DCPS: variants seen among roughly 807,000 people sequenced by gnomAD.
The protein encoded by DCPS is decapping enzyme, scavenger.
A neutral mutation model predicts 34.7 loss-of-function variants in DCPS; 27 were observed. That is an observed-to-expected ratio of 0.78 (90% CI 0.57 to 1.07). DCPS has a LOEUF of 1.07. Among genes scored for constraint, DCPS ranks in the 50% least tolerant of loss-of-function variants. The pLI is 0.00. For synonymous variants in DCPS, 185 were observed against 185.7 expected (o/e 1.00, Z 0.03); for missense variants, 464 against 436.9 (o/e 1.06, Z -0.55).
At position 126,342,653 on chromosome 11, in the gene DCPS, G is replaced by C. The variant is rs2135337059; in HGVS notation, c.637-654G>C. On this transcript the variant is annotated intron_variant, in intron 4 of 5. Coordinates refer to ENST00000263579, the MANE Select transcript of DCPS (RefSeq NM_014026.6). The surrounding 1 kb of genome is among the most constrained non-coding windows in gnomAD (Gnocchi z 4.4). ...GAGTCTTTCCTTCCTCCTGCACTGGGATTATTTTGTGTCTTACAGTAGAGC... is the reference window on the plus strand; with the variant it reads ...GAGTCTTTCCTTCCTCCTGCACTGGCATTATTTTGTGTCTTACAGTAGAGC... Among the ~76,000 whole-genome samples, 1 of 152,092 alleles carries C rather than the reference G, an allele frequency of 6.6e-6. No individual in the cohort carries two copies. Among genetic ancestry groups the C allele is most frequent in the Middle Eastern group, 3.4e-3 (1 of 292 alleles).
intron 1 of DCPS, among the ~76,000 whole-genome samples, chr11:126,305,911 A>G (rs190945669): frequency 3.5e-4 from 53 of 152,294 alleles, no homozygotes; most frequent in African/African-American, 1.2e-3. Flanking sequence ...TTCTGTTTCA[A>G]TGCTGACTGT....
chr11:126,319,483 G>A lies in DCPS; in HGVS notation c.377-11922G>A, dbSNP rs1007025551. Reference sequence around the variant, plus strand: ...TCCCCTGGTAAGGCTGTCCTCACACGGCTCTCCAGAGCTCAGGGGAGTGGA... The same window carrying A: ...TCCCCTGGTAAGGCTGTCCTCACACAGCTCTCCAGAGCTCAGGGGAGTGGA... On this transcript the variant is annotated intron_variant, in intron 2 of 5. Coordinates refer to ENST00000263579, the MANE Select transcript of DCPS (RefSeq NM_014026.6). This position sits in a 1 kb window ranked among gnomAD's most constrained non-coding sequence, Gnocchi z 4.5. Among the ~76,000 whole-genome samples, 2 of 151,988 alleles carry A rather than the reference G, an allele frequency of 1.3e-5. No individual in the cohort carries two copies. Among genetic ancestry groups the A allele is most frequent in the South Asian group, 2.1e-4 (1 of 4,814 alleles).
chr11:126,331,278 A>C lies in DCPS; in HGVS notation c.377-127A>C. 1 of 1,403,864 alleles carries C rather than the reference A, an allele frequency of 7.1e-7. No individual in the cohort carries two copies. Among genetic ancestry groups the C allele is most frequent in the South Asian group, 1.3e-5 (1 of 76,484 alleles). 87.0% of individuals were successfully genotyped at this position (1,403,864 alleles called of 1,614,324 possible). On this transcript the variant is annotated intron_variant, in intron 2 of 5. Coordinates refer to ENST00000263579, the MANE Select transcript of DCPS (RefSeq NM_014026.6). The surrounding 1 kb of genome is among the most constrained non-coding windows in gnomAD (Gnocchi z 7.2). Reference sequence around the variant, plus strand: ...TGTGGGAGTGGATCTTGGGTGCATGATCCTCTTGGATTTTGGCTTCCCTCA... The same window carrying C: ...TGTGGGAGTGGATCTTGGGTGCATGCTCCTCTTGGATTTTGGCTTCCCTCA...
Position 126,338,023 on chromosome 11 carries a change from G to A in DCPS, c.523-263G>A. ...GCACTATGCTGACCAGGAAGAGCCT[G>A]GCCCCTTCCAAGCTGCAGAGACCCT... On this transcript the variant is annotated intron_variant, in intron 3 of 5. Transcript: ENST00000263579. This position sits in a 1 kb window ranked among gnomAD's most constrained non-coding sequence, Gnocchi z 5.4. 2 of 496,024 alleles carry A rather than the reference G, an allele frequency of 4.0e-6. No homozygotes were observed. The highest frequency in any genetic ancestry group is 6.6e-5 in the Admixed American group (2 of 30,364). 30.7% of individuals were successfully genotyped at this position (496,024 alleles called of 1,614,324 possible).
intron 4 of DCPS, among the ~76,000 whole-genome samples, chr11:126,339,563 A>G (rs1951861284): frequency 6.6e-6 from 1 of 152,180 alleles, no homozygotes; most frequent in African/African-American, 2.4e-5. Context: ...AAGGGGTGGG[A>G]AAGAATTTGA....
rs1951689613 is a variant in DCPS, at chr11:126,319,710, G to T, written c.377-11695G>T. On this transcript the variant is annotated intron_variant, in intron 2 of 5. Transcript: ENST00000263579. This position sits in a 1 kb window ranked among gnomAD's most constrained non-coding sequence, Gnocchi z 4.5. ...AGTCATGTTTCTCCTATCTGATAGG[G>T]CTGCTTTTGGAAAACATGGCCCCAG... is the stretch of plus-strand genomic sequence containing the variant. Among the ~76,000 whole-genome samples, 1 of 152,146 alleles carries T rather than the reference G, an allele frequency of 6.6e-6. No individual in the cohort carries two copies. Among genetic ancestry groups the T allele is most frequent in the African/African-American group, 2.4e-5 (1 of 41,434 alleles).
Position 126,345,806 on chromosome 11 carries a change from G to A in DCPS, c.*193G>A. The A allele has an allele frequency of 1.2e-6, 1 of 808,352 alleles. No homozygotes were observed. Among genetic ancestry groups the A allele is most frequent in the East Asian group, 2.7e-5 (1 of 36,612 alleles). 50.1% of individuals were successfully genotyped at this position (808,352 alleles called of 1,614,324 possible). On this transcript the variant is annotated 3_prime_UTR_variant, in exon 6 of 6. Transcript: ENST00000263579. This position sits in a 1 kb window ranked among gnomAD's most constrained non-coding sequence, Gnocchi z 7.4. ...ACAGATGGTGGGGGACAGTGGGTGG[G>A]TAGAACCTGTGGGAAGGCCTTGAGA... is the stretch of plus-strand genomic sequence containing the variant.
rs553005210 is a variant in DCPS at position 126,348,039 on chromosome 11, C to T, written c.*2426C>T. Among the ~76,000 whole-genome samples, 25 of 152,220 alleles carry T rather than the reference C, an allele frequency of 1.6e-4. No homozygotes were observed. The highest frequency in any genetic ancestry group is 5.8e-4 in the East Asian group (3 of 5,170). On this transcript the variant is annotated 3_prime_UTR_variant, in exon 6 of 6. Coordinates refer to ENST00000263579, the MANE Select transcript of DCPS (RefSeq NM_014026.6). This position sits in a 1 kb window ranked among gnomAD's most constrained non-coding sequence, Gnocchi z 5.3. ...ACCTTGCCGTTCCTTCCCCTCATCT[C>T]GTAGCGCCTGGCCCCTGGAGGAAGG... is the stretch of plus-strand genomic sequence containing the variant.
Position 126,304,188 on chromosome 11 carries a change from C to G in DCPS, c.108C>G (p.Thr36=). The G allele has an allele frequency of 1.9e-6, 3 of 1,614,272 alleles. No individual in the cohort carries two copies. ...AGGAGGCAGGAGTTGGAAATGGTAC[C>G]TGTGCTCCTGTCCGCTTACCGTTCT... ...EEKEAGVGNG[T]CAPVRLPFSG... The change falls in exon 1 of 6, where the codon ACC becomes ACG. Residue 36 remains threonine (T), a synonymous_variant. Transcript: ENST00000263579.
In DCPS at chr11:126,333,935, G is replaced by C. The variant is rs146460855; in HGVS notation, c.522+2385G>C. Among the ~76,000 whole-genome samples, 1 of 152,034 alleles carries C rather than the reference G, an allele frequency of 6.6e-6. No individual in the cohort carries two copies. The highest frequency in any genetic ancestry group is 1.9e-4 in the East Asian group (1 of 5,180). ...TCAGATGTGAGAACAGTTGCCATAG[G>C]CAGTGAGGGTGCCCTAAACGGTTTT... On this transcript the variant is annotated intron_variant, in intron 3 of 5. Coordinates refer to ENST00000263579, the MANE Select transcript of DCPS (RefSeq NM_014026.6). The surrounding 1 kb of genome is among the most constrained non-coding windows in gnomAD (Gnocchi z 5.7).
rs1951819445 is a variant in DCPS at position 126,334,982 on chromosome 11, C to T, written c.523-3304C>T. Among the ~76,000 whole-genome samples, 1 of 152,226 alleles carries T rather than the reference C, an allele frequency of 6.6e-6. No individual in the cohort carries two copies. Among genetic ancestry groups the T allele is most frequent in the African/African-American group, 2.4e-5 (1 of 41,460 alleles). ...AAATGTAACTAATGGCTCCTCCCTC[C>T]TGGGTGTTGTGGAAATTGAGAGAGG... is the stretch of plus-strand genomic sequence containing the variant. On this transcript the variant is annotated intron_variant, in intron 3 of 5. Transcript: ENST00000263579. This position sits in a 1 kb window ranked among gnomAD's most constrained non-coding sequence, Gnocchi z 5.5.
intron 2 of DCPS, among the ~76,000 whole-genome samples, chr11:126,314,104 C>A (rs1951638928): frequency 6.6e-6 from 1 of 152,302 alleles, no homozygotes; most frequent in South Asian, 2.1e-4. Context: ...GATGGCTGGG[C>A]CAGCCGCTTT....
Position 126,336,241 on chromosome 11 carries a change from G to A in DCPS, c.523-2045G>A, listed in dbSNP as rs879628516. On this transcript the variant is annotated intron_variant, in intron 3 of 5. Transcript: ENST00000263579. The surrounding 1 kb of genome is among the most constrained non-coding windows in gnomAD (Gnocchi z 6.3). ...TCATCACTCCTTCCTGCAGTCACTC[G>A]TCCTCCAGCCCCGCTCTTATTTCCT... Among the ~76,000 whole-genome samples the A allele has an allele frequency of 6.6e-6, 1 of 151,796 alleles. No homozygotes were observed. Among genetic ancestry groups the A allele is most frequent in the Non-Finnish European group, 1.5e-5 (1 of 68,008 alleles).
intron 2 of DCPS, among the ~76,000 whole-genome samples, chr11:126,316,957 C>CTTTTTT (rs71048779): frequency 1.1e-5 from 1 of 93,198 alleles, no homozygotes; most frequent in Non-Finnish European, 2.1e-5. Context: ...TGCCCGGCCT[C>CTTTTTT]TTTTTTTTTT....
rs551510705 is a variant in DCPS at position 126,328,123 on chromosome 11, G to C, written c.377-3282G>C. On this transcript the variant is annotated intron_variant, in intron 2 of 5. Coordinates refer to ENST00000263579, the MANE Select transcript of DCPS (RefSeq NM_014026.6). The surrounding 1 kb of genome is among the most constrained non-coding windows in gnomAD (Gnocchi z 6.6). ...GCCTGGAGAGGAGCCCATGGCTGAC[G>C]CGAGTTAGTGGGTCAGTGGGGAGCC... Among the ~76,000 whole-genome samples the C allele has an allele frequency of 2.0e-5, 3 of 152,334 alleles. No homozygotes were observed. The East Asian group carries it at 5.8e-4, about 29-fold the overall frequency.
Position 126,342,403 on chromosome 11 carries a change from C to T in DCPS, c.637-904C>T, listed in dbSNP as rs1486553741. On this transcript the variant is annotated intron_variant, in intron 4 of 5. Coordinates refer to ENST00000263579, the MANE Select transcript of DCPS (RefSeq NM_014026.6). The surrounding 1 kb of genome is among the most constrained non-coding windows in gnomAD (Gnocchi z 4.4). ...CTGAGCTGGCCCTTGGCTCCCTTCT[C>T]AGCCTTCAGACCCCACTCCACCCCT... 1 of 152,700 alleles carries T rather than the reference C, an allele frequency of 6.5e-6. No individual in the cohort carries two copies. The highest frequency in any genetic ancestry group is 1.5e-5 in the Non-Finnish European group (1 of 68,428). The allele number at this position is 152,700 out of a possible 1,614,324, so 9.5% of individuals were successfully genotyped here. A position where few individuals can be genotyped will look rare whatever the true frequency, so the allele number is the denominator to read the frequency against.
rs1951831615 is a variant in DCPS at position 126,336,248 on chromosome 11, A to G, written c.523-2038A>G. Among the ~76,000 whole-genome samples the G allele has an allele frequency of 6.6e-6, 1 of 151,938 alleles. No individual in the cohort carries two copies. ...TCCTTCCTGCAGTCACTCGTCCTCC[A>G]GCCCCGCTCTTATTTCCTCTCTCAC... On this transcript the variant is annotated intron_variant, in intron 3 of 5. Transcript: ENST00000263579. This position sits in a 1 kb window ranked among gnomAD's most constrained non-coding sequence, Gnocchi z 6.3.
intron 2 of DCPS, among the ~76,000 whole-genome samples, chr11:126,307,496 C>A (rs1024131367): frequency 1.3e-5 from 2 of 151,944 alleles, no homozygotes; most frequent in South Asian, 2.1e-4. Context: ...CTGCAACCTC[C>A]GCCTCACAGG....
intron 2 of DCPS, among the ~76,000 whole-genome samples, chr11:126,316,741 C>T (rs764601646): frequency 3.3e-5 from 5 of 151,468 alleles, no homozygotes; most frequent in Non-Finnish European, 5.9e-5. Flanking sequence ...CTGCAACCTC[C>T]GCCTCCCGGG....
Sources: allele counts gnomAD v4.1 joint callset (sites outside exome capture counted in the v4.1 genomes callset), GRCh38; gene constraint gnomAD v4.1.1; non-coding constraint Gnocchi (gnomAD v3.1); transcripts MANE v1.5; gene names NCBI Gene and HGNC (gene_info 2026-07-23, HGNC 2026-07-21).